The following SLC26A11 variants were observed in gnomAD, a reference collection of about 807,000 sequenced individuals.
SLC26A11 encodes the protein solute carrier family 26 member 11.
A neutral mutation model predicts 62.2 loss-of-function variants in SLC26A11; 58 were observed. The ratio of observed to expected loss-of-function variants is 0.93; its 90% confidence interval spans 0.76 to 1.16. The LOEUF (loss-of-function observed/expected upper bound fraction) is 1.16, where lower values mean the gene tolerates loss of function less well. Ranked by LOEUF, SLC26A11 falls within the 50% of genes most tolerant of loss-of-function variation. SLC26A11 has a pLI of 0.00. For synonymous variants in SLC26A11, 411 were observed against 368.9 expected, an observed-to-expected ratio of 1.11 and a Z score of -1.31; for missense variants, 790 against 794.3, an observed-to-expected ratio of 0.99 and a Z score of 0.06.
At chr17:80,226,594 A>G (rs1463023265) in intron 6 of SLC26A11, among the ~76,000 whole-genome samples, 1 of 152,182 alleles carries the variant, frequency 6.6e-6, no homozygotes, top group East Asian at 1.9e-4. Flanking sequence ...CCAGCTGTTC[A>G]GGAGGCTGAG....
In SLC26A11 at chr17:80,223,349, G is replaced by A. The variant is rs73429464; in HGVS notation, c.513+12G>A. ...TTGGACAGATCAAGGTAGGCACGGCGCCCACCCAGGGCACTGCTCTTTGGC... is the reference window on the plus strand; with the variant it reads ...TTGGACAGATCAAGGTAGGCACGGCACCCACCCAGGGCACTGCTCTTTGGC... On this transcript the variant is annotated intron_variant, in intron 5 of 17. Coordinates refer to ENST00000361193, the MANE Select transcript of SLC26A11 (RefSeq NM_001166347.2). The surrounding 1 kb of genome is among the most constrained non-coding windows in gnomAD (Gnocchi z 4.6). 630 of 1,613,346 alleles carry A rather than the reference G, an allele frequency of 3.9e-4. 4 individuals carry two copies. The African/African-American group carries it at 7.5e-3, about 19-fold the overall frequency.
intron 6 of SLC26A11, 67 bp from the exon 7 acceptor site, chr17:80,227,751 A>C: frequency 6.4e-7 from 1 of 1,559,554 alleles, no homozygotes; most frequent in African/African-American, 1.3e-5. Flanking sequence ...AAGCAGCAGC[A>C]GGATGCTTGA....
At chr17:80,224,300 T>C (rs796800168) in intron 5 of SLC26A11, among the ~76,000 whole-genome samples, 7 of 119,618 alleles carry the variant, frequency 5.9e-5, no homozygotes, top group African/African-American at 2.6e-4. Flanking sequence ...TGAGTGTGCG[T>C]GTGTGTGTGA....
At chr17:80,235,686 A>C (rs1294766788) in intron 7 of SLC26A11, among the ~76,000 whole-genome samples, 1 of 152,192 alleles carries the variant, frequency 6.6e-6, no homozygotes, top group African/African-American at 2.4e-5. Flanking sequence ...ATGCCTAGTA[A>C]TTTTTGTTTG....
At chr17:80,243,271 C>T (rs1598832189) in intron 10 of SLC26A11, among the ~76,000 whole-genome samples, 1 of 152,152 alleles carries the variant, frequency 6.6e-6, no homozygotes, top group Admixed American at 6.6e-5. Flanking sequence ...AGTTGAGTGG[C>T]GGAGCTTGGG....
At position 80,239,917 on chromosome 17, in the gene SLC26A11, T is replaced by G. The variant is rs79753074; in HGVS notation, c.986-1854T>G. 9.8e-4 allele frequency among the ~76,000 whole-genome samples: 149 copies of G among 152,356 alleles called. 1 individual carries two copies. The highest frequency in any genetic ancestry group is 3.5e-3 in the African/African-American group (147 of 41,586). ...TCTCATGTTTACAAATAAAGTCAGT[T>G]GGAGCGTGGCTGTGCCACTTGGGGA... On this transcript the variant is annotated intron_variant, in intron 9 of 17. Transcript: ENST00000361193.
At chr17:80,232,414 C>T (rs2042588728) in intron 7 of SLC26A11, among the ~76,000 whole-genome samples, 2 of 152,104 alleles carry the variant, frequency 1.3e-5, no homozygotes, top group Admixed American at 1.3e-4. Flanking sequence ...ACCACCAAGC[C>T]CAGCTAATTT....
At chr17:80,233,944 T>C (rs2042626557) in intron 7 of SLC26A11, among the ~76,000 whole-genome samples, 1 of 152,164 alleles carries the variant, frequency 6.6e-6, no homozygotes, top group South Asian at 2.1e-4. Flanking sequence ...AAGATAGTTT[T>C]GCTGGTTATA....
intron 8 of SLC26A11, 123 bp downstream of exon 8, chr17:80,237,226 C>T: frequency 8.8e-7 from 1 of 1,136,210 alleles, no homozygotes; most frequent in Non-Finnish European, 1.2e-6. Flanking sequence ...GCTGAGTCCT[C>T]AGGAACGGAC....
At chr17:80,251,599 C>G (rs2043158123) in intron 17 of SLC26A11, among the ~76,000 whole-genome samples, 198 bp downstream of exon 17, 1 of 152,008 alleles carries the variant, frequency 6.6e-6, no homozygotes, top group South Asian at 2.1e-4. Flanking sequence ...CTCATCAGTA[C>G]TAAAAATACA....
At position 80,252,862 on chromosome 17, in the gene SLC26A11, G is replaced by A; in HGVS notation, c.*146G>A. On this transcript the variant is annotated 3_prime_UTR_variant, in exon 18 of 18. Transcript: ENST00000361193. The surrounding 1 kb of genome is among the most constrained non-coding windows in gnomAD (Gnocchi z 5.2). ...TAACCCAGGGAAGAGAAGGAAGCCA[G>A]GCCTGGAGGTCCACGGCAGTGGGAG... 1 of 666,666 alleles carries A rather than the reference G, an allele frequency of 1.5e-6. No individual in the cohort carries two copies. The highest frequency in any genetic ancestry group is 1.9e-5 in the South Asian group (1 of 52,520). 41.3% of individuals were successfully genotyped at this position (666,666 alleles called of 1,614,324 possible). A position where few individuals can be genotyped will look rare whatever the true frequency, so the allele number is the denominator to read the frequency against.
At chr17:80,221,928 A>T in intron 3 of SLC26A11, 134 bp downstream of exon 3, 1 of 937,232 alleles carries the variant, frequency 1.1e-6, no homozygotes, top group Non-Finnish European at 1.6e-6. Flanking sequence ...ACAGTGTGTG[A>T]CGCAGATTGT....
rs1169808996 is a variant in SLC26A11, at chr17:80,228,895, C to T, written c.736+935C>T. ...GAGAAAGGGGTGGTGAGGGCTGCGT[C>T]GTGGAGGAGCAGGGCTGTCAGCAGG... On this transcript the variant is annotated intron_variant, in intron 7 of 17. Transcript: ENST00000361193. This position sits in a 1 kb window ranked among gnomAD's most constrained non-coding sequence, Gnocchi z 4.1. Among the ~76,000 whole-genome samples, 2 of 152,084 alleles carry T rather than the reference C, an allele frequency of 1.3e-5. No homozygotes were observed. Among genetic ancestry groups the T allele is most frequent in the Admixed American group, 6.5e-5 (1 of 15,274 alleles).
intron 1 of SLC26A11, among the ~76,000 whole-genome samples, 166 bp downstream of exon 1, chr17:80,220,662 G>C (rs1598774471): frequency 6.6e-6 from 1 of 152,118 alleles, no homozygotes; most frequent in Non-Finnish European, 1.5e-5. Context: ...CCGGGTCCCC[G>C]CGGCCCTCGG....
chr17:80,250,263 A>G (rs1870923768), intron 16 of SLC26A11, among the ~76,000 whole-genome samples: 1 of 152,204 alleles, frequency 6.6e-6, no homozygotes, highest in Admixed American at 6.5e-5. Flanking sequence ...CAGGAGGCCA[A>G]GTGACCCGTA....
At chr17:80,244,188 G>C (rs141529145) in intron 10 of SLC26A11, among the ~76,000 whole-genome samples, 1,881 of 152,320 alleles carry the variant, frequency 0.012, 23 homozygotes, top group Middle Eastern at 0.031. Flanking sequence ...TGGTCTTAGT[G>C]ATGCCCCAGG....
intron 9 of SLC26A11, 147 bp from the exon 10 acceptor site, chr17:80,241,622 CAT>C (rs1216800793): frequency 3.4e-5 from 27 of 799,480 alleles, no homozygotes; most frequent in Non-Finnish European, 5.5e-5. Flanking sequence ...TTTACACGCA[CAT>C]ATATGTGAAT....
Position 80,252,546 on chromosome 17 carries a change from C to G in SLC26A11, c.1730-79C>G. ...ACCTTCCAGGACTCTGGAAGGCCCT[C>G]CTTAATCCCTTCCTGTGAACTGACC... On this transcript the variant is annotated intron_variant, in intron 17 of 17. Coordinates refer to ENST00000361193, the MANE Select transcript of SLC26A11 (RefSeq NM_001166347.2). This position sits in a 1 kb window ranked among gnomAD's most constrained non-coding sequence, Gnocchi z 5.2. 2.9e-6 allele frequency: 4 copies of G among 1,393,990 alleles called. No homozygotes were observed. The highest frequency in any genetic ancestry group is 4.0e-6 in the Non-Finnish European group (4 of 997,784). 86.4% of individuals were successfully genotyped at this position (1,393,990 alleles called of 1,614,324 possible).
intron 16 of SLC26A11, among the ~76,000 whole-genome samples, chr17:80,249,657 G>A (rs2043106828): frequency 6.6e-6 from 1 of 152,186 alleles, no homozygotes; most frequent in Non-Finnish European, 1.5e-5. Context: ...TGGAATCCCA[G>A]CACTTTGGGA....
Sources: gnomAD v4.1 joint callset for allele counts (sites outside exome capture counted in the v4.1 genomes callset) on GRCh38, gnomAD v4.1.1 for gene constraint, Gnocchi (gnomAD v3.1) non-coding constraint, MANE v1.5 for transcripts, NCBI Gene and HGNC (gene_info 2026-07-23, HGNC 2026-07-21) for gene names.